VAV2: variants seen among roughly 807,000 people sequenced by gnomAD.
The protein encoded by VAV2 is vav guanine nucleotide exchange factor 2, also known as guanine nucleotide exchange factor VAV2.
A neutral mutation model predicts 132.5 loss-of-function variants in VAV2; 67 were observed. That is an observed-to-expected ratio of 0.51 (90% CI 0.42 to 0.62). VAV2 has a LOEUF of 0.62. Ranked by LOEUF, VAV2 falls within the 20% of genes least tolerant of loss-of-function variation. The pLI is 0.00. For missense variants in VAV2, 938 were observed against 1,153.6 expected, an observed-to-expected ratio of 0.81 and a Z score of 2.71; for synonymous variants, 492 against 443.5, an observed-to-expected ratio of 1.11 and a Z score of -1.37.
chr9:133,875,359 T>C (rs1360846449), intron 2 of VAV2, among the ~76,000 whole-genome samples: 1 of 152,158 alleles, frequency 6.6e-6, no homozygotes, highest in African/African-American at 2.4e-5. Context: ...CGGGGAGCTA[T>C]CCACAGCTGA....
Position 133,814,537 on chromosome 9 carries a change from G to A in VAV2, c.450-2321C>T, listed in dbSNP as rs114602087. Among the ~76,000 whole-genome samples the A allele has an allele frequency of 8.7e-3, 1,325 of 152,374 alleles. 18 individuals are homozygous for A. The highest frequency in any genetic ancestry group is 0.03 in the African/African-American group (1,243 of 41,590). On this transcript the variant is annotated intron_variant, in intron 4 of 29. Transcript: ENST00000371850. ...CCACTCAGACTGTCTAGAGACAGAC[G>A]TCAGCTTTTCTCCAACAGGCCAGGT...
rs533026380 is a variant in VAV2, at chr9:133,919,515, G to A, written c.321+19588C>T. 3.3e-5 allele frequency among the ~76,000 whole-genome samples: 5 copies of A among 152,308 alleles called. No individual in the cohort carries two copies. Among genetic ancestry groups the A allele is most frequent in the African/African-American group, 1.2e-4 (5 of 41,558 alleles). Reference sequence around the variant, plus strand: ...ACTCACTGTCCCCCGGGGCCAGGTCGGCTGGCAATTTCTAGGCTGTTCTAA... The same window carrying A: ...ACTCACTGTCCCCCGGGGCCAGGTCAGCTGGCAATTTCTAGGCTGTTCTAA... On this transcript the variant is annotated intron_variant, in intron 2 of 29. Coordinates refer to ENST00000371850, the MANE Select transcript of VAV2 (RefSeq NM_001134398.2). This position sits in a 1 kb window ranked among gnomAD's most constrained non-coding sequence, Gnocchi z 5.8.
chr9:133,818,149 G>A (rs1376091146), intron 4 of VAV2, among the ~76,000 whole-genome samples: 1 of 152,136 alleles, frequency 6.6e-6, no homozygotes, highest in Non-Finnish European at 1.5e-5. Flanking sequence ...CAGATCACGA[G>A]GTCAGGAGAT....
chr9:133,895,965 G>A (rs1349038331), intron 2 of VAV2, among the ~76,000 whole-genome samples: 1 of 134,028 alleles, frequency 7.5e-6, no homozygotes, highest in African/African-American at 2.9e-5. Context: ...ATCATTCTTG[G>A]GTGTTTCTCG....
chr9:133,910,165 G>A (rs1564457566), intron 2 of VAV2, among the ~76,000 whole-genome samples: 1 of 152,170 alleles, frequency 6.6e-6, no homozygotes, highest in Non-Finnish European at 1.5e-5. Context: ...AGCTCTTGCA[G>A]CCATTGTGAA....
intron 2 of VAV2, among the ~76,000 whole-genome samples, chr9:133,911,020 G>A (rs1278238108): frequency 4.6e-5 from 7 of 152,042 alleles, no homozygotes; most frequent in African/African-American, 9.7e-5. Flanking sequence ...TGGGAGCGCC[G>A]TGGCCTCCTG....
rs78788995 is a variant in VAV2 at position 133,835,712 on chromosome 9, G to A, written c.381-1372C>T. Among the ~76,000 whole-genome samples, 1,011 of 152,284 alleles carry A rather than the reference G, an allele frequency of 6.6e-3. 17 individuals are homozygous for A. Among genetic ancestry groups the A allele is most frequent in the African/African-American group, 0.023 (958 of 41,556 alleles). ...TCAGCCCGAGATCCAGCAGGGACGCGCGGTCCGTCCCGGCAGCCCCGCCCC... is the reference window on the plus strand; with the variant it reads ...TCAGCCCGAGATCCAGCAGGGACGCACGGTCCGTCCCGGCAGCCCCGCCCC... On this transcript the variant is annotated intron_variant, in intron 3 of 29. Transcript: ENST00000371850.
intron 2 of VAV2, among the ~76,000 whole-genome samples, chr9:133,886,073 C>G (rs1838691698): frequency 6.6e-6 from 1 of 152,326 alleles, no homozygotes; most frequent in Admixed American, 6.5e-5. Context: ...GGCCCAGAGC[C>G]ACCCTGGGAG....
chr9:133,827,792 C>G (rs372744131), intron 4 of VAV2, among the ~76,000 whole-genome samples: 334 of 1,796 alleles, frequency 0.19, 35 homozygotes, highest in East Asian at 0.42. Flanking sequence ...GGCATCACCA[C>G]CTACCGCTGC....
intron 1 of VAV2, among the ~76,000 whole-genome samples, chr9:133,988,183 C>T (rs770946555): frequency 1.3e-5 from 2 of 152,134 alleles, no homozygotes; most frequent in East Asian, 1.9e-4. Context: ...CCGCCGTGTG[C>T]GCTCGAGGGG....
Position 133,833,926 on chromosome 9 carries a change from G to GC in VAV2, c.449+345dup, listed in dbSNP as rs1836361127. 6.6e-6 allele frequency among the ~76,000 whole-genome samples: 1 copy of GC among 152,168 alleles called. No homozygotes were observed. The highest frequency in any genetic ancestry group is 2.4e-5 in the African/African-American group (1 of 41,442). ...GGACCCGGCTTGGGGAGCATGGCCAGCCCCCTCTCTGCCCCACAGCTTCGC... is the reference window on the plus strand; with the variant it reads ...GGACCCGGCTTGGGGAGCATGGCCAGCCCCCCTCTCTGCCCCACAGCTTCGC... On this transcript the variant is annotated intron_variant, in intron 4 of 29. Coordinates refer to ENST00000371850, the MANE Select transcript of VAV2 (RefSeq NM_001134398.2). The surrounding 1 kb of genome is among the most constrained non-coding windows in gnomAD (Gnocchi z 5.6).
rs554043892 is a variant in VAV2, at chr9:133,780,130, C to T, written c.1741-191G>A. 1.7e-5 allele frequency: 12 copies of T among 687,860 alleles called. No homozygotes were observed. In the South Asian group the frequency reaches 1.9e-4, roughly 11 times the overall value. The allele number at this position is 687,860 out of a possible 1,614,324, so 42.6% of individuals were successfully genotyped here. ...CCTGGCAATATATTTCACCTCTGTGCACCTCCACTCCTGGAAGGTCTGTGC... is the reference window on the plus strand; with the variant it reads ...CCTGGCAATATATTTCACCTCTGTGTACCTCCACTCCTGGAAGGTCTGTGC... On this transcript the variant is annotated intron_variant, in intron 20 of 29. Transcript: ENST00000371850.
intron 1 of VAV2, among the ~76,000 whole-genome samples, chr9:133,985,452 T>A (rs1277822105): frequency 6.6e-6 from 1 of 152,140 alleles, no homozygotes; most frequent in Non-Finnish European, 1.5e-5. Context: ...CGGCTAATTT[T>A]TGCATTTTTA....
In VAV2 at chr9:133,885,617, C is replaced by A. The variant is rs1838673352; in HGVS notation, c.322-24185G>T. On this transcript the variant is annotated intron_variant, in intron 2 of 29. Coordinates refer to ENST00000371850, the MANE Select transcript of VAV2 (RefSeq NM_001134398.2). This position sits in a 1 kb window ranked among gnomAD's most constrained non-coding sequence, Gnocchi z 5.0. ...ACGTGACCCCAGGGCGGACCCCTCC[C>A]AAGCTTGGTGTGGTGTTCTGCTGGG... is the stretch of plus-strand genomic sequence containing the variant. Among the ~76,000 whole-genome samples, 1 of 152,224 alleles carries A rather than the reference C, an allele frequency of 6.6e-6. No individual in the cohort carries two copies. The highest frequency in any genetic ancestry group is 2.4e-5 in the African/African-American group (1 of 41,452).
At chr9:133,934,606 G>A (rs1840836112) in intron 2 of VAV2, among the ~76,000 whole-genome samples, 1 of 152,220 alleles carries the variant, frequency 6.6e-6, no homozygotes, top group Non-Finnish European at 1.5e-5. Context: ...CCAGACATCA[G>A]AACTCCAGGC....
chr9:133,788,779 C>T lies in VAV2; in HGVS notation c.1275-293G>A, dbSNP rs1289406767. 6.6e-6 allele frequency among the ~76,000 whole-genome samples: 1 copy of T among 152,166 alleles called. No individual in the cohort carries two copies. The highest frequency in any genetic ancestry group is 1.5e-5 in the Non-Finnish European group (1 of 68,024). On this transcript the variant is annotated intron_variant, in intron 14 of 29. Transcript: ENST00000371850. The surrounding 1 kb of genome is among the most constrained non-coding windows in gnomAD (Gnocchi z 5.3). Reference sequence around the variant, plus strand: ...TGGCCTCCCATGCAGCACTGACCCCCGACGGCTACTCCCAGTTGATCCCGC... The same window carrying T: ...TGGCCTCCCATGCAGCACTGACCCCTGACGGCTACTCCCAGTTGATCCCGC...
intron 1 of VAV2, among the ~76,000 whole-genome samples, chr9:133,980,486 A>G (rs1225674791): frequency 6.6e-6 from 1 of 152,180 alleles, no homozygotes; most frequent in Admixed American, 6.5e-5. Flanking sequence ...ATCTTTCCCC[A>G]GGGCACTGGG....
intron 2 of VAV2, among the ~76,000 whole-genome samples, chr9:133,868,170 G>A (rs763821432): frequency 6.6e-6 from 1 of 152,216 alleles, no homozygotes; most frequent in Non-Finnish European, 1.5e-5. Context: ...CATGCTTCTC[G>A]ATCTGAAGTA....
chr9:133,876,681 G>A (rs1053693932), intron 2 of VAV2, among the ~76,000 whole-genome samples: 8 of 152,152 alleles, frequency 5.3e-5, no homozygotes, highest in African/African-American at 1.7e-4. Context: ...CGCGGGAGGG[G>A]GGCGGCCCCA....
Sources: allele counts gnomAD v4.1 joint callset (sites outside exome capture counted in the v4.1 genomes callset), GRCh38; gene constraint gnomAD v4.1.1; non-coding constraint Gnocchi (gnomAD v3.1); transcripts MANE v1.5; gene names NCBI Gene and HGNC (gene_info 2026-07-23, HGNC 2026-07-21).